The following WDR49 variants were observed in gnomAD, a reference collection of about 807,000 sequenced individuals.
The protein encoded by WDR49 is cilia- and flagella-associated protein 337.
Under a neutral mutation model 119.5 loss-of-function variants are expected in WDR49, and 107 were observed. The observed-to-expected ratio is 0.90, with a 90% CI of 0.77 to 1.05. The LOEUF (loss-of-function observed/expected upper bound fraction) is 1.05. Ranked by LOEUF, WDR49 falls within the 50% of genes least tolerant of loss-of-function variation. The probability of loss-of-function intolerance (pLI) is 0.00; values close to 1 mark genes in which losing one functional copy is unlikely to be tolerated. For missense variants in WDR49, 1,240 were observed against 1,220.5 expected (o/e 1.02, Z -0.24); for synonymous variants, 425 against 418.8 (o/e 1.01, Z -0.18).
At chr3:167,570,472 A>T (rs181969198) in intron 8 of WDR49, among the ~76,000 whole-genome samples, 2 of 152,320 alleles carry the variant, frequency 1.3e-5, no homozygotes, top group Admixed American at 6.5e-5. Context: ...GGAAGGCCAC[A>T]TGTTTATTAT....
chr3:167,574,212 T>C (rs1296509845), intron 8 of WDR49, among the ~76,000 whole-genome samples: 1 of 152,234 alleles, frequency 6.6e-6, no homozygotes, highest in African/African-American at 2.4e-5. Context: ...TGAATCTTCC[T>C]GAGCTACTGG....
intron 7 of WDR49, among the ~76,000 whole-genome samples, chr3:167,582,345 A>G (rs1714578350): frequency 6.6e-6 from 1 of 152,156 alleles, no homozygotes; most frequent in Non-Finnish European, 1.5e-5. Flanking sequence ...TAACATTTTT[A>G]TCTTAAAGTC....
chr3:167,629,911 T>C (rs754558146), intron 2 of WDR49, among the ~76,000 whole-genome samples: 3 of 152,126 alleles, frequency 2.0e-5, no homozygotes, highest in Admixed American at 6.6e-5. Flanking sequence ...TTGCTTCTTA[T>C]AGATGAGCAA....
At chr3:167,620,372 T>C in intron 5 of WDR49, 57 bp downstream of exon 5, 1 of 1,435,938 alleles carries the variant, frequency 7.0e-7, no homozygotes, top group Non-Finnish European at 9.2e-7. Flanking sequence ...CATCAAAGAA[T>C]ATAAATGTAC....
chr3:167,594,430 T>C (rs1280171091), intron 7 of WDR49, among the ~76,000 whole-genome samples: 1 of 152,154 alleles, frequency 6.6e-6, no homozygotes, highest in Non-Finnish European at 1.5e-5. Context: ...TAGATACCTG[T>C]AGAAATTTGA....
At chr3:167,490,239 C>G (rs1423875961) in intron 18 of WDR49, among the ~76,000 whole-genome samples, 1 of 152,018 alleles carries the variant, frequency 6.6e-6, no homozygotes, top group Non-Finnish European at 1.5e-5. Flanking sequence ...ACCTGTTGAA[C>G]CTTTTAAATA....
At chr3:167,492,024 T>C (rs1355177732) in intron 18 of WDR49, among the ~76,000 whole-genome samples, 1 of 152,040 alleles carries the variant, frequency 6.6e-6, no homozygotes, top group Non-Finnish European at 1.5e-5. Flanking sequence ...ATTGTACAAC[T>C]GCCAAAAACC....
intron 9 of WDR49, 129 bp downstream of exon 9, chr3:167,559,935 C>T: frequency 1.1e-6 from 1 of 939,916 alleles, no homozygotes; most frequent in South Asian, 2.3e-5. Context: ...TTATTTCACT[C>T]TTACCATGTC....
intron 7 of WDR49, among the ~76,000 whole-genome samples, chr3:167,582,965 C>T (rs1055308825): frequency 6.7e-6 from 1 of 149,470 alleles, no homozygotes; most frequent in African/African-American, 2.5e-5. Flanking sequence ...CACACACACA[C>T]ACATACACAC....
chr3:167,620,682 T>A, intron 4 of WDR49, 79 bp from the exon 5 acceptor site: 1 of 1,339,572 alleles, frequency 7.5e-7, no homozygotes, highest in Non-Finnish European at 9.9e-7. Context: ...TTTAGTTTAA[T>A]AAGGAATAGC....
intron 17 of WDR49, among the ~76,000 whole-genome samples, chr3:167,504,155 C>T (rs1327686371): frequency 6.6e-6 from 1 of 152,112 alleles, no homozygotes; most frequent in African/African-American, 2.4e-5. Context: ...GGGGCACTGC[C>T]TAGTGGAGCT....
intron 8 of WDR49, among the ~76,000 whole-genome samples, chr3:167,572,717 T>G (rs991451486): frequency 6.6e-6 from 1 of 152,198 alleles, no homozygotes; most frequent in Non-Finnish European, 1.5e-5. Context: ...TAAGTTTAGT[T>G]AAGTGTTTTA....
chr3:167,575,609 A>G (rs1194947989), intron 8 of WDR49, among the ~76,000 whole-genome samples: 1 of 152,206 alleles, frequency 6.6e-6, no homozygotes, highest in Non-Finnish European at 1.5e-5. Flanking sequence ...GTTCACTTGC[A>G]TTTGGCTCAA....
chr3:167,624,113 A>G (rs1455301420), intron 3 of WDR49, among the ~76,000 whole-genome samples: 1 of 151,992 alleles, frequency 6.6e-6, no homozygotes, highest in East Asian at 1.9e-4. Flanking sequence ...CAGGTAGCAA[A>G]CCAGCACATG....
rs145913809 is a variant in WDR49, at chr3:167,531,206, C to G, written c.2127G>C (p.Thr709=). ...TGTCAATCTCAAAGTTGCGGACTCC[C>G]GTGGTAGAATGGTCTGCCATGGGGT... The part of the protein sequence containing the change: ...PSHPMADHST[T]GVRNFEIDTE... Residue 709 remains threonine, a synonymous_variant, in exon 13 of 19, where the codon ACG becomes ACC. Transcript: ENST00000682715. 6.2e-7 allele frequency: 1 copy of G among 1,611,760 alleles called. No homozygotes were observed. The highest frequency in any genetic ancestry group is 8.5e-7 in the Non-Finnish European group (1 of 1,179,568).
intron 5 of WDR49, among the ~76,000 whole-genome samples, chr3:167,614,405 A>C (rs1207417703): frequency 6.6e-6 from 1 of 152,128 alleles, no homozygotes; most frequent in Non-Finnish European, 1.5e-5. Context: ...CATTCTTTCA[A>C]TATCTGCATT....
At chr3:167,595,286 A>G (rs1475580522) in intron 7 of WDR49, among the ~76,000 whole-genome samples, 2 of 152,232 alleles carry the variant, frequency 1.3e-5, no homozygotes, top group Non-Finnish European at 2.9e-5. Flanking sequence ...GAAAATGGCC[A>G]TACTGCCCAA....
At chr3:167,605,969 T>C (rs909854956) in intron 5 of WDR49, among the ~76,000 whole-genome samples, 1 of 152,196 alleles carries the variant, frequency 6.6e-6, no homozygotes, top group Non-Finnish European at 1.5e-5. Flanking sequence ...AAATTCAGAA[T>C]ACAGGGCCTG....
chr3:167,550,859 T>C (rs1285980989), intron 10 of WDR49, among the ~76,000 whole-genome samples: 5 of 151,502 alleles, frequency 3.3e-5, no homozygotes, highest in African/African-American at 1.2e-4. Context: ...AAATTCTTAA[T>C]TTATTTAATT....
Sources: allele counts gnomAD v4.1 joint callset (sites outside exome capture counted in the v4.1 genomes callset), GRCh38; gene constraint gnomAD v4.1.1; transcripts MANE v1.5; gene names NCBI Gene and HGNC (gene_info 2026-07-23, HGNC 2026-07-21).